TRIM37: variants seen among roughly 807,000 people sequenced by gnomAD.
The protein encoded by TRIM37 is tripartite motif containing 37, also known as E3 ubiquitin-protein ligase TRIM37.
TRIM37 carries 80 observed loss-of-function variants against 129.8 expected under a neutral mutation model. That is an observed-to-expected ratio of 0.62 (90% CI 0.51 to 0.74). The LOEUF is 0.74. Among genes scored for constraint, TRIM37 ranks in the 30% least tolerant of loss-of-function variants. The pLI is 0.00. For missense variants in TRIM37, 1,054 were observed against 1,176.5 expected (o/e 0.90, Z 1.52); for synonymous variants, 389 against 387.1 (o/e 1.00, Z -0.06).
At chr17:58,984,682 A>C (rs989512819) in intron 24 of TRIM37, 3 of 152,660 alleles carry the variant, frequency 2.0e-5, no homozygotes, top group African/African-American at 4.8e-5. Context: ...TGCAAAACAA[A>C]GTAAGATACC....
In TRIM37 at chr17:59,079,763, T is replaced by C. The variant is rs771871805; in HGVS notation, c.607A>G (p.Thr203Ala). The C allele has an allele frequency of 2.5e-6, 4 of 1,613,974 alleles. No individual in the cohort carries two copies. Among genetic ancestry groups the C allele is most frequent in the Non-Finnish European group, 3.4e-6 (4 of 1,179,888 alleles). Residue 203 changes from threonine to alanine, a missense_variant, in exon 7 of 24, where the codon ACA becomes GCA. Thr to Ala is a moderately conservative substitution (Grantham distance 58). Coordinates refer to ENST00000262294, the MANE Select transcript of TRIM37 (RefSeq NM_015294.6). ...ATACATAAACACTTACCCATCAGTG[T>C]TATAAGCTTATTCTTCAGCTGTGTG... Reference protein sequence around the residue: ...LDTQLKNKLITLMGQKTSLTQ... With the variant: ...LDTQLKNKLIALMGQKTSLTQ...
intron 1 of TRIM37, 128 bp from the exon 2 acceptor site, chr17:59,104,522 C>T (rs766487694): frequency 1.1e-6 from 1 of 882,032 alleles, no homozygotes; most frequent in Non-Finnish European, 1.9e-6. Context: ...TATTCCATAT[C>T]AGGATTTGGT....
In TRIM37 at chr17:59,106,745, C is replaced by G; in HGVS notation, c.-284G>C. ...CTCAGCCGCCGGCCAGCAGCCGCGC[C>G]GGAACCTCGGCCCACGTGACGCGGG... On this transcript the variant is annotated 5_prime_UTR_variant, in exon 1 of 24. Transcript: ENST00000262294. 1 of 568,682 alleles carries G rather than the reference C, an allele frequency of 1.8e-6. No individual in the cohort carries two copies. Among genetic ancestry groups the G allele is most frequent in the Non-Finnish European group, 3.1e-6 (1 of 319,520 alleles). The allele number at this position is 568,682 out of a possible 1,614,324, so 35.2% of individuals were successfully genotyped here. A position where few individuals can be genotyped will look rare whatever the true frequency, so the allele number is the denominator to read the frequency against.
At chr17:59,092,991 A>G (rs1235367088) in intron 2 of TRIM37, among the ~76,000 whole-genome samples, 3 of 152,088 alleles carry the variant, frequency 2.0e-5, no homozygotes, top group African/African-American at 7.2e-5. Flanking sequence ...TCTCTACTAA[A>G]AATACAAATT....
intron 16 of TRIM37, among the ~76,000 whole-genome samples, chr17:59,042,289 T>C (rs1224924417): frequency 6.9e-6 from 1 of 144,516 alleles, no homozygotes. Context: ...ATCAGGAGAA[T>C]GGCGTGAACC....
At chr17:59,069,856 TCCAAGC>T (rs1448820788) in intron 9 of TRIM37, among the ~76,000 whole-genome samples, 2 of 152,114 alleles carry the variant, frequency 1.3e-5, no homozygotes, top group African/African-American at 4.8e-5. Flanking sequence ...CTGATCTCTC[TCCAAGC>T]AAGAACAGAG....
intron 2 of TRIM37, among the ~76,000 whole-genome samples, chr17:59,094,321 T>C (rs2094537147): frequency 6.6e-6 from 1 of 152,150 alleles, no homozygotes; most frequent in South Asian, 2.1e-4. Context: ...ATTAAACAAA[T>C]ATCTTTAGAG....
rs1053698216 is a variant in TRIM37, at chr17:59,051,284, T to C, written c.1244A>G (p.Gln415Arg). The C allele has an allele frequency of 6.2e-7, 1 of 1,613,880 alleles. No individual in the cohort carries two copies. The highest frequency in any genetic ancestry group is 8.5e-7 in the Non-Finnish European group (1 of 1,179,970). The change falls in exon 14 of 24, where the codon CAG (glutamine) becomes CGG (arginine). Residue 415 changes from glutamine (Q) to arginine (R), a missense_variant. Gln to Arg is a conservative substitution (Grantham distance 43). Around this residue, in one of 3 missense-constraint regions of TRIM37, gnomAD observed 752 missense variants for 870.8 expected, o/e 0.86. Coordinates refer to ENST00000262294, the MANE Select transcript of TRIM37 (RefSeq NM_015294.6). ...SPTFFQKSRD[Q>R]HWYITQLEAA... ...TTCCAACTGAGTAATGTACCAATGCTGGTCCCGGGATTTTTGAAAGAAAGT... is the reference window on the plus strand; with the variant it reads ...TTCCAACTGAGTAATGTACCAATGCCGGTCCCGGGATTTTTGAAAGAAAGT...
the TRIM37 span, chr17:58,972,230 G>A: frequency 6.2e-7 from 1 of 1,614,130 alleles, no homozygotes; most frequent in South Asian, 1.1e-5. Flanking sequence ...TTGTGAGAAA[G>A]GGCCAAGCTG....
intron 22 of TRIM37, among the ~76,000 whole-genome samples, chr17:59,008,717 G>C (rs927839147): frequency 1.3e-5 from 2 of 152,098 alleles, no homozygotes; most frequent in African/African-American, 4.8e-5. Flanking sequence ...TGAGCATACA[G>C]CAAGACCAAG....
rs768942251 is a variant in TRIM37, at chr17:59,083,991, G to C, written c.369+11C>G. The C allele has an allele frequency of 1.2e-6, 2 of 1,610,314 alleles. No homozygotes were observed. Among genetic ancestry groups the C allele is most frequent in the South Asian group, 2.2e-5 (2 of 90,996 alleles). On this transcript the variant is annotated intron_variant, in intron 5 of 23. Transcript: ENST00000262294. ...CTAACTTAAAAAAAATACTGAATTTGTTCTGCTCACCATTCCTCCCCAAAG... is the reference window on the plus strand; with the variant it reads ...CTAACTTAAAAAAAATACTGAATTTCTTCTGCTCACCATTCCTCCCCAAAG...
At chr17:59,022,583 C>A (rs1258384557) in intron 19 of TRIM37, among the ~76,000 whole-genome samples, 1 of 152,196 alleles carries the variant, frequency 6.6e-6, no homozygotes, top group Non-Finnish European at 1.5e-5. Context: ...ATCTGTAAAT[C>A]TGGAATGAAA....
chr17:59,076,122 T>G (rs1329092500), intron 7 of TRIM37, among the ~76,000 whole-genome samples: 1 of 152,136 alleles, frequency 6.6e-6, no homozygotes, highest in African/African-American at 2.4e-5. Context: ...GAATACAAAG[T>G]GGGCCAGATT....
At chr17:59,092,987 C>G (rs1337538187) in intron 2 of TRIM37, among the ~76,000 whole-genome samples, 1 of 151,954 alleles carries the variant, frequency 6.6e-6, no homozygotes, top group Non-Finnish European at 1.5e-5. Context: ...CCCGTCTCTA[C>G]TAAAAATACA....
Position 59,015,645 on chromosome 17 carries a change from A to G in TRIM37, c.2541T>C (p.Pro847=), listed in dbSNP as rs1187581120. The G allele has an allele frequency of 1.9e-6, 3 of 1,614,020 alleles. No individual in the cohort carries two copies. In the East Asian group the frequency reaches 6.7e-5, roughly 36 times the overall value. The part of the protein sequence containing the change: ...AVVVAVFSGL[P]AVEKRRKMVT... ...CCATTTTCCTCCTTTTCTCAACCGC[A>G]GGCAAGCCACTGAAAACTGCAACCA... is the stretch of plus-strand genomic sequence containing the variant. The change falls in exon 21 of 24, where the codon CCT becomes CCC. Residue 847 remains proline (P), a synonymous_variant. Coordinates refer to ENST00000262294, the MANE Select transcript of TRIM37 (RefSeq NM_015294.6).
intron 22 of TRIM37, among the ~76,000 whole-genome samples, chr17:59,003,340 A>G (rs1321956003): frequency 1.3e-5 from 2 of 152,110 alleles, no homozygotes; most frequent in Non-Finnish European, 2.9e-5. Context: ...TCGGTTTGGG[A>G]TTTAAGGTTG....
At chr17:59,000,621 G>A (rs2033593105) in intron 23 of TRIM37, among the ~76,000 whole-genome samples, 1 of 152,014 alleles carries the variant, frequency 6.6e-6, no homozygotes, top group Non-Finnish European at 1.5e-5. Flanking sequence ...AAGAAGAAAT[G>A]CAATGCAAAT....
At chr17:59,039,295 C>T (rs1599072503) in intron 17 of TRIM37, among the ~76,000 whole-genome samples, 1 of 152,026 alleles carries the variant, frequency 6.6e-6, no homozygotes, top group Admixed American at 6.6e-5. Context: ...CTGCAAAGTG[C>T]CTGCTTTTAG....
At chr17:58,979,243 A>G (rs2031217945), downstream of TRIM37, among the ~76,000 whole-genome samples, 1 of 152,212 alleles carries the variant, frequency 6.6e-6, no homozygotes, top group South Asian at 2.1e-4. Flanking sequence ...GTCTCTAAAT[A>G]TAAGAGAAAA....
Sources: allele counts gnomAD v4.1 joint callset (sites outside exome capture counted in the v4.1 genomes callset), GRCh38; gene constraint gnomAD v4.1.1; regional missense constraint gnomAD v4.1.1; transcripts MANE v1.5; gene names NCBI Gene and HGNC (gene_info 2026-07-23, HGNC 2026-07-21).